Variants in SAMD12 observed in about 807,000 individuals in gnomAD.
SAMD12 encodes sterile alpha motif domain-containing protein 12.
In SAMD12, 9 loss-of-function variants were observed where a neutral mutation model predicts 15.0. The ratio of observed to expected loss-of-function variants is 0.60; its 90% CI spans 0.36 to 1.05. The LOEUF is 1.05. Ranked by LOEUF, SAMD12 falls within the 50% of genes least tolerant of loss-of-function variation. SAMD12 has a pLI of 0.01. For missense variants in SAMD12, 230 were observed against 234.2 expected, an observed-to-expected ratio of 0.98 and a Z score of 0.12; for synonymous variants, 86 against 90.1, an observed-to-expected ratio of 0.96 and a Z score of 0.25.
At chr8:118,199,336 T>C (rs772198252) in intron 4 of SAMD12, among the ~76,000 whole-genome samples, 3 of 152,176 alleles carry the variant, frequency 2.0e-5, no homozygotes, top group Non-Finnish European at 4.4e-5. Context: ...ACTTCAGTAT[T>C]TTGAAAGGGG....
At chr8:118,401,004 C>A (rs1820842451) in intron 3 of SAMD12, among the ~76,000 whole-genome samples, 1 of 152,194 alleles carries the variant, frequency 6.6e-6, no homozygotes, top group South Asian at 2.1e-4. Flanking sequence ...TGAAGAATAG[C>A]TTCAAAATGT....
At chr8:118,217,105 G>T (rs979700332) in intron 4 of SAMD12, among the ~76,000 whole-genome samples, 1 of 152,130 alleles carries the variant, frequency 6.6e-6, no homozygotes. Context: ...CTGGGTTCAA[G>T]CGATTCTTCT....
intron 4 of SAMD12, among the ~76,000 whole-genome samples, chr8:118,283,256 G>GA (rs766952622): frequency 2.6e-5 from 4 of 152,048 alleles, no homozygotes; most frequent in African/African-American, 7.2e-5. Flanking sequence ...GATTCATTTA[G>GA]ATCTTATTCC....
chr8:118,599,905 G>A (rs1323870722), intron 1 of SAMD12, among the ~76,000 whole-genome samples: 1 of 152,130 alleles, frequency 6.6e-6, no homozygotes, highest in Admixed American at 6.5e-5. Flanking sequence ...AGAAACGACA[G>A]CCCAGGCGAC....
At chr8:118,397,683 G>A (rs952767723) in intron 3 of SAMD12, among the ~76,000 whole-genome samples, 1 of 152,010 alleles carries the variant, frequency 6.6e-6, no homozygotes, top group Non-Finnish European at 1.5e-5. Flanking sequence ...GAATTATGCT[G>A]GGCTGGGTAT....
intron 2 of SAMD12, among the ~76,000 whole-genome samples, chr8:118,522,191 CACACACAT>C (rs757359354): frequency 0.15 from 4,951 of 32,160 alleles, 163 homozygotes; most frequent in African/African-American, 0.33. Context: ...CACACACACA[CACACACAT>C]ACACACACAC....
chr8:118,395,444 T>C (rs771038568), intron 3 of SAMD12, among the ~76,000 whole-genome samples: 4 of 152,198 alleles, frequency 2.6e-5, no homozygotes, highest in Non-Finnish European at 2.9e-5. Flanking sequence ...AAGATGCCAC[T>C]AAAAATTTCA....
In SAMD12 at chr8:118,467,567, G is replaced by A. The variant is rs528991576; in HGVS notation, c.193-27606C>T. Among the ~76,000 whole-genome samples, 12 of 152,228 alleles carry A rather than the reference G, an allele frequency of 7.9e-5. No homozygotes were observed. In the East Asian group the frequency reaches 1.4e-3, roughly 17 times the overall value. On this transcript the variant is annotated intron_variant, in intron 2 of 3. Transcript: ENST00000314727. The stretch of plus-strand genomic sequence containing the variant: ...ATGTGGCCATGATCTTTGCCACAAC[G>A]GAAACTCAGCATAAAATACACAATA...
intron 2 of SAMD12, among the ~76,000 whole-genome samples, chr8:118,510,653 C>A (rs1825054998): frequency 6.6e-6 from 1 of 152,154 alleles, no homozygotes. Flanking sequence ...GCAAAGGGGG[C>A]ATCATCTGTT....
At chr8:118,600,916 G>T (rs931903658) in intron 1 of SAMD12, among the ~76,000 whole-genome samples, 1 of 151,986 alleles carries the variant, frequency 6.6e-6, no homozygotes, top group African/African-American at 2.4e-5. Flanking sequence ...ATTTATTCAA[G>T]CCAAGAACTA....
At chr8:118,278,948 GC>G (rs1187233565) in intron 4 of SAMD12, among the ~76,000 whole-genome samples, 2 of 152,126 alleles carry the variant, frequency 1.3e-5, no homozygotes, top group Admixed American at 1.3e-4. Flanking sequence ...TGTAAGGTTT[GC>G]CCCAAAATAC....
chr8:118,324,875 A>G (rs974041403), intron 4 of SAMD12, among the ~76,000 whole-genome samples: 1 of 152,198 alleles, frequency 6.6e-6, no homozygotes, highest in South Asian at 2.1e-4. Context: ...TCATCAGAGT[A>G]GTGATCATGT....
intron 4 of SAMD12, among the ~76,000 whole-genome samples, chr8:118,267,779 C>T (rs112602499): frequency 0.015 from 2,309 of 151,820 alleles, 61 homozygotes; most frequent in African/African-American, 0.053. Context: ...TCAAACTTCT[C>T]TACAAGGTTT....
chr8:118,548,412 CACACA>C (rs750628017), intron 2 of SAMD12, among the ~76,000 whole-genome samples: 7 of 151,428 alleles, frequency 4.6e-5, no homozygotes, highest in African/African-American at 1.7e-4. Context: ...CACACACACA[CACACA>C]CACACACCCC....
At chr8:118,571,080 A>G (rs1171233658) in intron 2 of SAMD12, among the ~76,000 whole-genome samples, 4 of 152,214 alleles carry the variant, frequency 2.6e-5, no homozygotes, top group African/African-American at 9.7e-5. Context: ...TCAGCAGCAT[A>G]CAATAATACA....
At chr8:118,414,526 C>G (rs184360763) in intron 3 of SAMD12, among the ~76,000 whole-genome samples, 1 of 152,268 alleles carries the variant, frequency 6.6e-6, no homozygotes, top group Non-Finnish European at 1.5e-5. Flanking sequence ...CTTTCCTCTT[C>G]ATTTTGAGTA....
chr8:118,310,285 G>A (rs746656526), intron 4 of SAMD12, among the ~76,000 whole-genome samples: 24 of 151,988 alleles, frequency 1.6e-4, no homozygotes, highest in Admixed American at 9.2e-4. Context: ...TTATCTGCTT[G>A]CTTTTCTACC....
At chr8:118,211,683 C>G (rs1563697119) in intron 4 of SAMD12, among the ~76,000 whole-genome samples, 3 of 149,972 alleles carry the variant, frequency 2.0e-5, no homozygotes, top group African/African-American at 7.3e-5. Flanking sequence ...TACAAGTAAG[C>G]TTTTTTTTTT....
intron 2 of SAMD12, among the ~76,000 whole-genome samples, chr8:118,454,999 G>A (rs1823204215): frequency 6.6e-6 from 1 of 152,116 alleles, no homozygotes; most frequent in South Asian, 2.1e-4. Context: ...AACATTGCCT[G>A]GTTTCTCCAT....
Sources: gnomAD v4.1 joint callset for allele counts (sites outside exome capture counted in the v4.1 genomes callset) on GRCh38, gnomAD v4.1.1 for gene constraint, MANE v1.5 for transcripts, NCBI Gene and HGNC (gene_info 2026-07-23, HGNC 2026-07-21) for gene names.